METTL25: variants seen among roughly 807,000 people sequenced by gnomAD.
METTL25 encodes the protein methyltransferase like 25.
Under a neutral mutation model 71.6 loss-of-function variants are expected in METTL25, and 64 were observed. That is an observed-to-expected ratio of 0.89 (90% CI 0.73 to 1.10). The LOEUF (loss-of-function observed/expected upper bound fraction) is 1.10, where lower values mean the gene tolerates loss of function less well. METTL25 is among the 50% of genes least tolerant of loss of function. The probability of loss-of-function intolerance (pLI) is 0.00; values close to 1 mark genes in which losing one functional copy is unlikely to be tolerated. For missense variants in METTL25, 807 were observed against 707.0 expected (o/e 1.14, Z -1.60); for synonymous variants, 287 against 250.3 (o/e 1.15, Z -1.38).
intron 1 of METTL25, among the ~76,000 whole-genome samples, chr12:82,383,595 G>A (rs1303403292): frequency 6.6e-6 from 1 of 152,136 alleles, no homozygotes; most frequent in African/African-American, 2.4e-5. Flanking sequence ...TATACATACA[G>A]TAAATGTTAG....
chr12:82,472,923 T>C (rs1201087073), intron 9 of METTL25, among the ~76,000 whole-genome samples: 1 of 152,222 alleles, frequency 6.6e-6, no homozygotes, highest in African/African-American at 2.4e-5. Flanking sequence ...TTCTATGCAC[T>C]CAGTGGAAAA....
intron 5 of METTL25, among the ~76,000 whole-genome samples, chr12:82,420,780 A>G (rs1409658268): frequency 6.6e-6 from 1 of 152,148 alleles, no homozygotes; most frequent in Non-Finnish European, 1.5e-5. Context: ...GGGTCTTAAT[A>G]TTAAAAGGAG....
At chr12:82,437,711 T>C (rs767974774) in intron 7 of METTL25, among the ~76,000 whole-genome samples, 4 of 151,800 alleles carry the variant, frequency 2.6e-5, no homozygotes, top group Non-Finnish European at 4.4e-5. Context: ...GATAACTCCA[T>C]GGATATACAC....
At chr12:82,465,487 G>T (rs1001833116) in intron 9 of METTL25, among the ~76,000 whole-genome samples, 3 of 151,848 alleles carry the variant, frequency 2.0e-5, no homozygotes, top group Admixed American at 2.0e-4. Context: ...ATATTCTGTT[G>T]GATTCAGTTT....
At chr12:82,413,288 G>A (rs1887696026) in intron 5 of METTL25, among the ~76,000 whole-genome samples, 1 of 152,028 alleles carries the variant, frequency 6.6e-6, no homozygotes, top group South Asian at 2.1e-4. Context: ...AGAATATGCT[G>A]AGATTTAGGA....
intron 9 of METTL25, among the ~76,000 whole-genome samples, chr12:82,459,409 T>C (rs1891709478): frequency 6.6e-6 from 1 of 152,154 alleles, no homozygotes; most frequent in South Asian, 2.1e-4. Flanking sequence ...AGGAGAATTA[T>C]TTGAGCCCAG....
chr12:82,453,485 T>C (rs1891285639), intron 8 of METTL25, among the ~76,000 whole-genome samples: 1 of 152,170 alleles, frequency 6.6e-6, no homozygotes, highest in Non-Finnish European at 1.5e-5. Flanking sequence ...TTAACCTCTG[T>C]CTACTTTAAA....
intron 6 of METTL25, among the ~76,000 whole-genome samples, chr12:82,431,379 T>C (rs1014573027): frequency 3.3e-5 from 5 of 151,582 alleles, no homozygotes; most frequent in African/African-American, 1.2e-4. Context: ...ATTTGACTAG[T>C]GCCCTCAGAC....
At chr12:82,466,753 C>A (rs1021021564) in intron 9 of METTL25, among the ~76,000 whole-genome samples, 1 of 151,918 alleles carries the variant, frequency 6.6e-6, no homozygotes, top group Non-Finnish European at 1.5e-5. Flanking sequence ...ATAATATTTG[C>A]ATTATATATC....
chr12:82,383,518 G>C (rs1163138325), intron 1 of METTL25, among the ~76,000 whole-genome samples: 1 of 152,096 alleles, frequency 6.6e-6, no homozygotes, highest in Non-Finnish European at 1.5e-5. Flanking sequence ...GAGGATAAGA[G>C]CATTATGTCT....
At position 82,381,002 on chromosome 12, in the gene METTL25, A is replaced by G. The variant is rs548216058; in HGVS notation, c.260-5801A>G. On this transcript the variant is annotated intron_variant, in intron 1 of 11. Transcript: ENST00000248306. ...GTAAGCTCATTCCATGTGGCATCCA[A>G]TAGAATTCTAACTGGGAGTTGCTGA... Among the ~76,000 whole-genome samples, 56 of 152,340 alleles carry G rather than the reference A, an allele frequency of 3.7e-4. 1 individual carries two copies. In the South Asian group the frequency reaches 0.01, roughly 28 times the overall value.
chr12:82,436,705 C>A (rs1889942219), intron 7 of METTL25, among the ~76,000 whole-genome samples: 1 of 151,404 alleles, frequency 6.6e-6, no homozygotes, highest in Admixed American at 6.6e-5. Flanking sequence ...ATTTTACAAT[C>A]ATTTTAATAA....
Position 82,464,831 on chromosome 12 carries a change from G to A in METTL25, c.1572+8011G>A, listed in dbSNP as rs147251950. The stretch of plus-strand genomic sequence containing the variant: ...CTTGTAGAGGTCTTTTACCTCCTTC[G>A]TTAAATTTATTCGTATATATTTTAT... On this transcript the variant is annotated intron_variant, in intron 9 of 11. Transcript: ENST00000248306. 2.6e-3 allele frequency among the ~76,000 whole-genome samples: 390 copies of A among 151,610 alleles called. 2 individuals are homozygous for A. Among genetic ancestry groups the A allele is most frequent in the African/African-American group, 8.9e-3 (368 of 41,406 alleles).
rs1177893935 is a variant in METTL25 at position 82,416,366 on chromosome 12, T to C, written c.1279+13236T>C. Among the ~76,000 whole-genome samples, 5 of 152,052 alleles carry C rather than the reference T, an allele frequency of 3.3e-5. 1 individual carries two copies. Among genetic ancestry groups the C allele is most frequent in the Admixed American group, 3.3e-4 (5 of 15,236 alleles). On this transcript the variant is annotated intron_variant, in intron 5 of 11. Transcript: ENST00000248306. ...TATTATTCTTCTGGTTATACTATTT[T>C]AAGTTTATTCTTCATTATTTTATTA... is the stretch of plus-strand genomic sequence containing the variant.
At chr12:82,469,936 T>C (rs933215547) in intron 9 of METTL25, among the ~76,000 whole-genome samples, 21 of 152,284 alleles carry the variant, frequency 1.4e-4, no homozygotes, top group Non-Finnish European at 2.8e-4. Flanking sequence ...GCCTCATTGT[T>C]AATATAGTTC....
chr12:82,453,709 C>CAT, intron 8 of METTL25, among the ~76,000 whole-genome samples: 2 of 152,202 alleles, frequency 1.3e-5, no homozygotes, highest in East Asian at 3.9e-4. Context: ...CTAAGCCTGC[C>CAT]TATATGCTTA....
intron 6 of METTL25, among the ~76,000 whole-genome samples, chr12:82,433,409 T>G (rs1480807329): frequency 6.6e-6 from 1 of 151,710 alleles, no homozygotes; most frequent in East Asian, 1.9e-4. Flanking sequence ...AATTATGTAA[T>G]AGCTGTCTCC....
At chr12:82,478,128 A>C (rs920899015) in intron 11 of METTL25, among the ~76,000 whole-genome samples, 1 of 151,766 alleles carries the variant, frequency 6.6e-6, no homozygotes, top group African/African-American at 2.4e-5. Context: ...GTACTTTCCT[A>C]AGCTGCCAGC....
intron 8 of METTL25, among the ~76,000 whole-genome samples, chr12:82,445,910 G>A (rs890091841): frequency 1.3e-5 from 2 of 152,132 alleles, no homozygotes; most frequent in Non-Finnish European, 2.9e-5. Flanking sequence ...CTATGATATC[G>A]GTAAAGCTTC....
Sources: allele counts gnomAD v4.1 joint callset (sites outside exome capture counted in the v4.1 genomes callset), GRCh38; gene constraint gnomAD v4.1.1; transcripts MANE v1.5; gene names NCBI Gene and HGNC (gene_info 2026-07-23, HGNC 2026-07-21).